Variants in PTPRD observed in about 807,000 individuals in gnomAD.
PTPRD encodes the protein receptor-type tyrosine-protein phosphatase delta.
PTPRD carries 34 observed loss-of-function variants against 214.5 expected under a neutral mutation model. The ratio of observed to expected loss-of-function variants is 0.16; its 90% CI spans 0.12 to 0.21. The LOEUF is 0.21. PTPRD is among the 10% of genes least tolerant of loss of function. The pLI is 1.00. For synonymous variants in PTPRD, 1,128 were observed against 845.7 expected (o/e 1.33, Z -5.79); for missense variants, 2,545 against 2,398.7 (o/e 1.06, Z -1.27).
At chr9:9,585,357 G>T (rs1180425595) in intron 7 of PTPRD, among the ~76,000 whole-genome samples, 1 of 151,980 alleles carries the variant, frequency 6.6e-6, no homozygotes. Flanking sequence ...TTAGACACTT[G>T]GTTGAAATCT....
At chr9:8,723,214 C>T (rs1253945575) in intron 12 of PTPRD, among the ~76,000 whole-genome samples, 1 of 152,088 alleles carries the variant, frequency 6.6e-6, no homozygotes, top group Non-Finnish European at 1.5e-5. Context: ...TCTTTACACT[C>T]ATTCCCCCAT....
intron 11 of PTPRD, chr9:8,860,557 G>C (rs1213100419): frequency 6.6e-6 from 1 of 152,168 alleles, no homozygotes; most frequent in East Asian, 1.9e-4. Flanking sequence ...GGGAGATACA[G>C]CAAATAGAGA....
chr9:8,666,689 T>C (rs557473981), intron 12 of PTPRD, among the ~76,000 whole-genome samples: 24 of 152,170 alleles, frequency 1.6e-4, no homozygotes, highest in African/African-American at 3.1e-4. Context: ...GGAGACAAAA[T>C]TGTACAACAC....
intron 2 of PTPRD, among the ~76,000 whole-genome samples, chr9:10,546,763 T>A (rs146826533): frequency 2.6e-5 from 4 of 152,204 alleles, no homozygotes; most frequent in African/African-American, 9.6e-5. Context: ...AAAGTATAGT[T>A]TGCAAGAGGT....
intron 3 of PTPRD, among the ~76,000 whole-genome samples, chr9:10,193,829 C>A (rs907755833): frequency 1.3e-5 from 2 of 151,998 alleles, no homozygotes; most frequent in African/African-American, 4.8e-5. Context: ...ACTTGGCACT[C>A]ATATGGGCAC....
At chr9:9,738,643 T>C (rs1032420055) in intron 6 of PTPRD, among the ~76,000 whole-genome samples, 18 of 151,992 alleles carry the variant, frequency 1.2e-4, no homozygotes, top group African/African-American at 4.1e-4. Flanking sequence ...GGTTTCACCA[T>C]GTTGGCCAGG....
At chr9:9,526,467 A>T (rs1434793881) in intron 8 of PTPRD, among the ~76,000 whole-genome samples, 1 of 152,214 alleles carries the variant, frequency 6.6e-6, no homozygotes, top group Non-Finnish European at 1.5e-5. Context: ...TATTCGCTTC[A>T]TAAATAAAAT....
intron 10 of PTPRD, among the ~76,000 whole-genome samples, chr9:9,098,542 C>T (rs572706506): frequency 1.6e-4 from 24 of 152,290 alleles, no homozygotes; most frequent in African/African-American, 4.8e-4. Flanking sequence ...AGCCACCATG[C>T]CTGGCCTGTT....
chr9:9,090,854 T>A (rs2099774509), intron 10 of PTPRD: 5 of 838,854 alleles, frequency 6.0e-6, no homozygotes, highest in Non-Finnish European at 1.0e-5. Flanking sequence ...TGATGACAGG[T>A]TAAAAATTTC....
intron 8 of PTPRD, among the ~76,000 whole-genome samples, 165 bp from the exon 9 acceptor site, chr9:9,397,647 T>G (rs1216298508): frequency 6.6e-6 from 1 of 152,024 alleles, no homozygotes; most frequent in Non-Finnish European, 1.5e-5. Context: ...CAGATGAAAG[T>G]GTTTCATCAC....
chr9:9,767,811 T>C (rs2098718990), intron 5 of PTPRD, among the ~76,000 whole-genome samples: 1 of 152,076 alleles, frequency 6.6e-6, no homozygotes, highest in African/African-American at 2.4e-5. Flanking sequence ...ATTCTCAAAC[T>C]CAAAGAATTT....
At chr9:9,390,830 T>C (rs2065564156) in intron 9 of PTPRD, among the ~76,000 whole-genome samples, 1 of 152,180 alleles carries the variant, frequency 6.6e-6, no homozygotes, top group Non-Finnish European at 1.5e-5. Flanking sequence ...GTTTGTTTCC[T>C]CATCTGTGAA....
At chr9:8,794,133 CCT>C (rs146131312) in intron 11 of PTPRD, among the ~76,000 whole-genome samples, 13,112 of 152,120 alleles carry the variant, frequency 0.086, 580 homozygotes, top group East Asian at 0.14. Context: ...ATTTTTTCCC[CCT>C]GTATTTGTGG....
intron 12 of PTPRD, among the ~76,000 whole-genome samples, chr9:8,708,522 A>G (rs191793354): frequency 3.1e-4 from 45 of 145,634 alleles, no homozygotes; most frequent in Non-Finnish European, 5.5e-4. Context: ...AAAAAAATAC[A>G]AAAAAAATTA....
chr9:8,559,575 C>T (rs2141188723), intron 14 of PTPRD, among the ~76,000 whole-genome samples: 1 of 152,298 alleles, frequency 6.6e-6, no homozygotes, highest in East Asian at 1.9e-4. Flanking sequence ...TAATAAATTT[C>T]AGTTCTCAAG....
intron 14 of PTPRD, among the ~76,000 whole-genome samples, chr9:8,551,561 A>G (rs2082116176): frequency 6.6e-6 from 1 of 152,146 alleles, no homozygotes; most frequent in Non-Finnish European, 1.5e-5. Flanking sequence ...AGAGTGATAC[A>G]ATTTTTCAGG....
At chr9:9,354,936 A>G (rs1223208363) in intron 9 of PTPRD, among the ~76,000 whole-genome samples, 1 of 151,796 alleles carries the variant, frequency 6.6e-6, no homozygotes, top group African/African-American at 2.4e-5. Flanking sequence ...ATAGCAAAGG[A>G]GGAAAATGTG....
intron 10 of PTPRD, among the ~76,000 whole-genome samples, chr9:9,113,603 T>C (rs79060869): frequency 6.6e-6 from 1 of 152,070 alleles, no homozygotes; most frequent in Non-Finnish European, 1.5e-5. Context: ...AGTCCCAGAT[T>C]TGTGTAATTA....
intron 10 of PTPRD, among the ~76,000 whole-genome samples, chr9:9,026,165 TAAC>T (rs1299180752): frequency 4.6e-5 from 7 of 151,094 alleles, no homozygotes; most frequent in African/African-American, 1.7e-4. Flanking sequence ...GCTGAGATCT[TAAC>T]AAAAGAAAGA....
Sources: allele counts gnomAD v4.1 joint callset (sites outside exome capture counted in the v4.1 genomes callset), GRCh38; gene constraint gnomAD v4.1.1; transcripts MANE v1.5; gene names NCBI Gene and HGNC (gene_info 2026-07-23, HGNC 2026-07-21).